The following CYSTM1 variants were observed in gnomAD, a reference collection of about 807,000 sequenced individuals.
CYSTM1 encodes the protein cysteine-rich transmembrane module-containing protein 1.
CYSTM1 carries 4 observed loss-of-function variants against 13.1 expected under a neutral mutation model. The ratio of observed to expected loss-of-function variants is 0.31; its 90% CI spans 0.15 to 0.70. The LOEUF is 0.70. CYSTM1 is among the 30% of genes least tolerant of loss of function. The probability of loss-of-function intolerance (pLI) is 0.72; values close to 1 mark genes in which losing one functional copy is unlikely to be tolerated. For synonymous variants in CYSTM1, 36 were observed against 42.7 expected (o/e 0.84, Z 0.62); for missense variants, 96 against 121.6 (o/e 0.79, Z 0.99).
chr5:140,187,187 C>G (rs1201197857), intron 1 of CYSTM1, among the ~76,000 whole-genome samples: 1 of 146,188 alleles, frequency 6.8e-6, no homozygotes, highest in East Asian at 2.0e-4. Flanking sequence ...TTTTTTTTTA[C>G]CTGAACAAAC....
intron 2 of CYSTM1, among the ~76,000 whole-genome samples, chr5:140,242,682 T>C (rs547010973): frequency 1.3e-5 from 2 of 152,170 alleles, no homozygotes; most frequent in East Asian, 3.9e-4. Flanking sequence ...GGTTTCCAGC[T>C]CCATTTGGAG....
At chr5:140,222,500 G>A (rs1425278880) in intron 2 of CYSTM1, among the ~76,000 whole-genome samples, 2 of 152,220 alleles carry the variant, frequency 1.3e-5, no homozygotes, top group African/African-American at 4.8e-5. Context: ...ATTATTCTCT[G>A]TGTTAATTTC....
intron 2 of CYSTM1, among the ~76,000 whole-genome samples, chr5:140,225,942 T>C (rs1044416092): frequency 1.3e-5 from 2 of 152,214 alleles, no homozygotes; most frequent in African/African-American, 4.8e-5. Flanking sequence ...GCTCCTAGAA[T>C]AGCCTGTGAC....
chr5:140,208,184 A>T (rs1181980108), intron 2 of CYSTM1, among the ~76,000 whole-genome samples: 1 of 152,254 alleles, frequency 6.6e-6, no homozygotes, highest in Admixed American at 6.5e-5. Flanking sequence ...AAATCTGGAA[A>T]CAACCTACAT....
At chr5:140,233,556 C>A (rs1439755121) in intron 2 of CYSTM1, among the ~76,000 whole-genome samples, 1 of 152,212 alleles carries the variant, frequency 6.6e-6, no homozygotes, top group East Asian at 1.9e-4. Flanking sequence ...TAAGAAACTG[C>A]TACTCTTTTC....
intron 2 of CYSTM1, among the ~76,000 whole-genome samples, chr5:140,195,507 T>C (rs957295363): frequency 2.7e-5 from 4 of 147,192 alleles, no homozygotes; most frequent in Non-Finnish European, 6.0e-5. Flanking sequence ...AGTGGCGCGA[T>C]CTCGGCTCAC....
At chr5:140,236,917 T>G (rs1173418865) in intron 2 of CYSTM1, among the ~76,000 whole-genome samples, 3 of 152,238 alleles carry the variant, frequency 2.0e-5, no homozygotes, top group Non-Finnish European at 2.9e-5. Context: ...TGGTCTTTAC[T>G]GGAAAATGCC....
intron 2 of CYSTM1, among the ~76,000 whole-genome samples, chr5:140,242,888 C>G (rs1764767541): frequency 6.6e-6 from 1 of 152,186 alleles, no homozygotes; most frequent in Admixed American, 6.5e-5. Flanking sequence ...TTTAAAGCCC[C>G]CCTTTAAAAG....
At chr5:140,204,702 T>G (rs936212297) in intron 2 of CYSTM1, among the ~76,000 whole-genome samples, 2 of 152,170 alleles carry the variant, frequency 1.3e-5, no homozygotes, top group Non-Finnish European at 2.9e-5. Context: ...CTGCCTCCCC[T>G]TGTATGCTTC....
At chr5:140,215,155 A>G (rs1764411989) in intron 2 of CYSTM1, among the ~76,000 whole-genome samples, 1 of 152,206 alleles carries the variant, frequency 6.6e-6, no homozygotes, top group Admixed American at 6.5e-5. Flanking sequence ...ATAGATTTTC[A>G]TGGAAGTCAC....
In CYSTM1 at chr5:140,194,588, C is replaced by A; in HGVS notation, c.123C>A (p.Tyr41Ter). Residue 41 changes from tyrosine to a stop codon, truncating the protein, a stop_gained, in exon 2 of 3, where the codon TAC (tyrosine) becomes TAA (stop). Transcript: ENST00000261811. LOFTEE classifies it high-confidence loss of function. ...MGGPYPPPQG[Y>*]PYQGYPQYGW... ...GACCCTACCCACCTCCTCAAGGGTA[C>A]CCCTACCAAGGATACCCACAGTACG... 2 of 1,613,592 alleles carry A rather than the reference C, an allele frequency of 1.2e-6. No individual in the cohort carries two copies. Among genetic ancestry groups the A allele is most frequent in the South Asian group, 1.1e-5 (1 of 91,052 alleles).
intron 1 of CYSTM1, among the ~76,000 whole-genome samples, chr5:140,182,898 C>T (rs1763975054): frequency 6.6e-6 from 1 of 152,088 alleles, no homozygotes. Context: ...ATGTGAAATT[C>T]ACTGTTGTCC....
At chr5:140,193,233 G>C in intron 1 of CYSTM1, among the ~76,000 whole-genome samples, 1 of 152,120 alleles carries the variant, frequency 6.6e-6, no homozygotes, top group East Asian at 1.9e-4. Flanking sequence ...TGTTAAGTGA[G>C]TCATCCTTAG....
intron 2 of CYSTM1, among the ~76,000 whole-genome samples, chr5:140,233,801 T>TAA (rs1764646597): frequency 6.6e-6 from 1 of 152,246 alleles, no homozygotes; most frequent in Non-Finnish European, 1.5e-5. Flanking sequence ...AAGTCTTTTA[T>TAA]CCACTTTCAA....
chr5:140,219,610 AAAC>A lies in CYSTM1; in HGVS notation c.188-23691_188-23689del, dbSNP rs1764467662. On this transcript the variant is annotated intron_variant, in intron 2 of 2. Transcript: ENST00000261811. The surrounding 1 kb of genome is among the most constrained non-coding windows in gnomAD (Gnocchi z 4.1). ...AATTAAGCCTGGCAGTAGAAAAAGAAAACAACCTGCGGTGCTTTGCATAAATAT... is the reference window on the plus strand; with the variant it reads ...AATTAAGCCTGGCAGTAGAAAAAGAAAACCTGCGGTGCTTTGCATAAATAT... Among the ~76,000 whole-genome samples, 1 of 152,228 alleles carries A rather than the reference AAAC, an allele frequency of 6.6e-6. No individual in the cohort carries two copies. Among genetic ancestry groups the A allele is most frequent in the South Asian group, 2.1e-4 (1 of 4,834 alleles).
chr5:140,177,068 C>CAAAAAAAAAAAAAAAAAAAAA (rs1161281232), intron 1 of CYSTM1, among the ~76,000 whole-genome samples: 1 of 87,950 alleles, frequency 1.1e-5, no homozygotes, highest in Non-Finnish European at 2.2e-5. Context: ...GACTCTGTCT[C>CAAAAAAAAAAAAAAAAAAAAA]AAAAAAAAAA....
chr5:140,178,394 A>G (rs940608153), intron 1 of CYSTM1, among the ~76,000 whole-genome samples: 9 of 150,158 alleles, frequency 6.0e-5, no homozygotes, highest in African/African-American at 2.2e-4. Flanking sequence ...GTTTTTTAAA[A>G]GAGTTTGAAG....
chr5:140,236,256 G>A (rs1764678234), intron 2 of CYSTM1, among the ~76,000 whole-genome samples: 1 of 152,128 alleles, frequency 6.6e-6, no homozygotes, highest in African/African-American at 2.4e-5. Flanking sequence ...AACCCATCCT[G>A]TCCACAACAA....
At chr5:140,194,855 C>T (rs1330918155) in intron 2 of CYSTM1, among the ~76,000 whole-genome samples, 1 of 152,214 alleles carries the variant, frequency 6.6e-6, no homozygotes, top group Non-Finnish European at 1.5e-5. Flanking sequence ...CACCTCTTGT[C>T]CCCTCTGGGG....
Sources: allele counts gnomAD v4.1 joint callset (sites outside exome capture counted in the v4.1 genomes callset), GRCh38; gene constraint gnomAD v4.1.1; non-coding constraint Gnocchi (gnomAD v3.1); transcripts MANE v1.5; gene names NCBI Gene and HGNC (gene_info 2026-07-23, HGNC 2026-07-21).